The following SEMA3D variants were observed in gnomAD, a reference collection of about 807,000 sequenced individuals.
The protein encoded by SEMA3D is semaphorin-3D.
SEMA3D carries 84 observed loss-of-function variants against 100.1 expected under a neutral mutation model. The ratio of observed to expected loss-of-function variants is 0.84; its 90% CI spans 0.70 to 1.01. The LOEUF is 1.01. SEMA3D is among the 50% of genes least tolerant of loss of function. The probability of loss-of-function intolerance (pLI) is 0.00; values close to 1 mark genes in which losing one functional copy is unlikely to be tolerated. For synonymous variants in SEMA3D, 312 were observed against 320.7 expected (o/e 0.97, Z 0.29); for missense variants, 875 against 934.1 (o/e 0.94, Z 0.82).
chr7:85,206,572 A>C, the SEMA3D span, among the ~76,000 whole-genome samples: 2 of 152,142 alleles, frequency 1.3e-5, no homozygotes, highest in East Asian at 3.8e-4. Context: ...GGCAAGTGAG[A>C]AGCACATGAA....
chr7:85,014,769 TA>T (rs142222706), intron 16 of SEMA3D, among the ~76,000 whole-genome samples: 3,857 of 151,652 alleles, frequency 0.025, 181 homozygotes, highest in African/African-American at 0.088. Flanking sequence ...AAATAGTGAA[TA>T]AAAACAAACC....
chr7:85,099,553 C>T (rs1285488605), intron 3 of SEMA3D, among the ~76,000 whole-genome samples: 1 of 151,874 alleles, frequency 6.6e-6, no homozygotes, highest in South Asian at 2.1e-4. Flanking sequence ...AAATATTATA[C>T]TAAGGAGCAT....
chr7:85,059,331 A>T (rs998750171), intron 8 of SEMA3D, among the ~76,000 whole-genome samples: 4 of 152,230 alleles, frequency 2.6e-5, no homozygotes, highest in Non-Finnish European at 5.9e-5. Context: ...GGAATTAATA[A>T]TAAATTCTTA....
chr7:85,159,323 T>A (rs1319331521), intron 1 of SEMA3D, among the ~76,000 whole-genome samples: 1 of 152,152 alleles, frequency 6.6e-6, no homozygotes, highest in African/African-American at 2.4e-5. Context: ...CTCCAGGTGG[T>A]AGGACAGAAT....
chr7:85,181,946 A>C (rs972295157), intron 1 of SEMA3D: 1 of 161,412 alleles, frequency 6.2e-6, no homozygotes, highest in Non-Finnish European at 1.3e-5. Flanking sequence ...GCTTTTTAAC[A>C]TGACTTACCT....
At chr7:85,088,646 C>T (rs563224232) in intron 4 of SEMA3D, among the ~76,000 whole-genome samples, 82 of 152,294 alleles carry the variant, frequency 5.4e-4, no homozygotes, top group Middle Eastern at 3.4e-3. Flanking sequence ...AGAGCAACAG[C>T]GCCAAAGGTA....
intron 6 of SEMA3D, among the ~76,000 whole-genome samples, 195 bp from the exon 7 acceptor site, chr7:85,068,479 C>T (rs374986919): frequency 4.1e-4 from 62 of 152,172 alleles, no homozygotes; most frequent in African/African-American, 1.2e-3. Flanking sequence ...TTTGGTCTCC[C>T]TTGGCCCAAA....
chr7:85,083,050 G>T (rs976183690), intron 4 of SEMA3D, among the ~76,000 whole-genome samples: 3 of 152,180 alleles, frequency 2.0e-5, no homozygotes, highest in Admixed American at 2.0e-4. Flanking sequence ...AATATGAATG[G>T]AAATTAGCAA....
At chr7:85,067,645 C>A (rs1180640256) in intron 7 of SEMA3D, among the ~76,000 whole-genome samples, 1 of 152,098 alleles carries the variant, frequency 6.6e-6, no homozygotes, top group Non-Finnish European at 1.5e-5. Context: ...CTTCTTTGAA[C>A]AAGATAGTTG....
intron 3 of SEMA3D, among the ~76,000 whole-genome samples, chr7:85,115,758 G>A (rs1033199110): frequency 6.6e-6 from 1 of 151,960 alleles, no homozygotes; most frequent in Admixed American, 6.6e-5. Flanking sequence ...TTCCTCTCAT[G>A]CCCCTCTCAG....
intron 17 of SEMA3D, among the ~76,000 whole-genome samples, chr7:85,010,803 G>A (rs1789930321): frequency 6.6e-6 from 1 of 151,758 alleles, no homozygotes; most frequent in Admixed American, 6.6e-5. Flanking sequence ...GTACGTAAGG[G>A]TGAGTTCAGA....
intron 12 of SEMA3D, among the ~76,000 whole-genome samples, 178 bp from the exon 13 acceptor site, chr7:85,022,791 C>A (rs1473323227): frequency 6.6e-6 from 1 of 151,772 alleles, no homozygotes; most frequent in Admixed American, 6.6e-5. Context: ...TAAATTTAAA[C>A]CCAGTTTTCT....
the SEMA3D span, among the ~76,000 whole-genome samples, chr7:85,201,883 G>A: frequency 3.6e-4 from 54 of 151,574 alleles, 1 homozygote; most frequent in African/African-American, 1.2e-3. Flanking sequence ...GTGCCACCAG[G>A]AATAGCTAAT....
At chr7:85,008,507 T>C (rs1328486380) in intron 17 of SEMA3D, among the ~76,000 whole-genome samples, 1 of 151,696 alleles carries the variant, frequency 6.6e-6, no homozygotes, top group Non-Finnish European at 1.5e-5. Flanking sequence ...TACATAGATG[T>C]ATGCATATTA....
intron 2 of SEMA3D, chr7:85,141,794 G>T: frequency 1.3e-6 from 1 of 759,590 alleles, no homozygotes. Context: ...TCTGGGAAAA[G>T]GCGGTCAGTG....
At chr7:85,036,133 A>C (rs189304183) in intron 12 of SEMA3D, among the ~76,000 whole-genome samples, 43 of 151,532 alleles carry the variant, frequency 2.8e-4, no homozygotes, top group Admixed American at 2.8e-3. Context: ...TGAAAAAAAA[A>C]TTTTTTTCCT....
At chr7:85,239,937 T>C in the SEMA3D span, among the ~76,000 whole-genome samples, 4 of 152,230 alleles carry the variant, frequency 2.6e-5, no homozygotes, top group African/African-American at 9.6e-5. Flanking sequence ...TTTTTAATTT[T>C]CTACATAATC....
intron 9 of SEMA3D, among the ~76,000 whole-genome samples, chr7:85,044,784 G>A (rs1790960932): frequency 6.6e-6 from 1 of 151,970 alleles, no homozygotes; most frequent in East Asian, 1.9e-4. Flanking sequence ...TTTATGATTA[G>A]CATATTGTCA....
intron 3 of SEMA3D, among the ~76,000 whole-genome samples, chr7:85,103,469 G>T (rs1788811250): frequency 6.6e-6 from 1 of 151,984 alleles, no homozygotes; most frequent in South Asian, 2.1e-4. Context: ...TTGGGTAAAA[G>T]GGTGAGTGTG....
Sources: allele counts gnomAD v4.1 joint callset (sites outside exome capture counted in the v4.1 genomes callset), GRCh38; gene constraint gnomAD v4.1.1; transcripts MANE v1.5; gene names NCBI Gene and HGNC (gene_info 2026-07-23, HGNC 2026-07-21).